TMPRSS15: variants seen among roughly 807,000 people sequenced by gnomAD.
The protein encoded by TMPRSS15 is enteropeptidase.
Under a neutral mutation model 125.3 loss-of-function variants are expected in TMPRSS15, and 128 were observed. That is an observed-to-expected ratio of 1.02 (90% CI 0.89 to 1.18). The LOEUF (loss-of-function observed/expected upper bound fraction) is 1.18. Among genes scored for constraint, TMPRSS15 ranks in the 50% most tolerant of loss-of-function variants. TMPRSS15 has a pLI of 0.00. For missense variants in TMPRSS15, 1,283 were observed against 1,212.7 expected (o/e 1.06, Z -0.86); for synonymous variants, 446 against 423.2 (o/e 1.05, Z -0.66).
chr21:18,347,171 A>G (rs772261324), intron 10 of TMPRSS15, among the ~76,000 whole-genome samples: 25 of 142,724 alleles, frequency 1.8e-4, no homozygotes, highest in Non-Finnish European at 2.8e-4. Context: ...AAAAGTAACC[A>G]CTTTTTCTTT....
intron 15 of TMPRSS15, 130 bp downstream of exon 15, chr21:18,329,039 T>C: frequency 9.8e-7 from 1 of 1,017,186 alleles, no homozygotes; most frequent in Non-Finnish European, 1.5e-6. Flanking sequence ...CATAAACTCA[T>C]GTCACTTTAC....
chr21:18,382,883 A>C (rs968884698), intron 4 of TMPRSS15, among the ~76,000 whole-genome samples: 1 of 152,148 alleles, frequency 6.6e-6, no homozygotes, highest in East Asian at 1.9e-4. Context: ...CTAAGCATTT[A>C]CAATCGTATT....
chr21:18,484,623 G>C (rs143064018), intron 1 of TMPRSS15, among the ~76,000 whole-genome samples: 2,078 of 151,648 alleles, frequency 0.014, 52 homozygotes, highest in African/African-American at 0.048. Context: ...GTAGTGATCA[G>C]GACATTATGT....
intron 6 of TMPRSS15, among the ~76,000 whole-genome samples, chr21:18,370,235 T>C (rs2075779195): frequency 6.6e-6 from 1 of 152,128 alleles, no homozygotes; most frequent in African/African-American, 2.4e-5. Flanking sequence ...TAGGACAAAT[T>C]ATCACACTTA....
intron 22 of TMPRSS15, 120 bp from the exon 23 acceptor site, chr21:18,279,179 T>G: frequency 1.5e-6 from 1 of 651,938 alleles, no homozygotes; most frequent in South Asian, 1.7e-5. Flanking sequence ...TGTATTTTTT[T>G]TTTTAATCCT....
At chr21:18,333,337 A>T (rs2075362681) in intron 13 of TMPRSS15, among the ~76,000 whole-genome samples, 1 of 152,252 alleles carries the variant, frequency 6.6e-6, no homozygotes, top group Admixed American at 6.5e-5. Flanking sequence ...CAAGAAAGCA[A>T]GATAGTGCAC....
chr21:18,391,682 G>C (rs779812139), intron 3 of TMPRSS15, among the ~76,000 whole-genome samples: 1 of 152,192 alleles, frequency 6.6e-6, no homozygotes, highest in Admixed American at 6.5e-5. Context: ...CTGTGGTCTG[G>C]AGGACGGTGG....
At chr21:18,458,405 T>C (rs1228945182) in intron 1 of TMPRSS15, among the ~76,000 whole-genome samples, 1 of 152,202 alleles carries the variant, frequency 6.6e-6, no homozygotes, top group African/African-American at 2.4e-5. Context: ...ATGCACACTA[T>C]GCCAGAACTG....
At chr21:18,434,592 A>T (rs2076223860) in intron 1 of TMPRSS15, among the ~76,000 whole-genome samples, 1 of 152,092 alleles carries the variant, frequency 6.6e-6, no homozygotes, top group African/African-American at 2.4e-5. Flanking sequence ...CAGAACAATT[A>T]TTATAGTTTG....
At chr21:18,471,379 A>G (rs1978777368) in intron 1 of TMPRSS15, among the ~76,000 whole-genome samples, 1 of 152,046 alleles carries the variant, frequency 6.6e-6, no homozygotes, top group African/African-American at 2.4e-5. Context: ...AGTATATAGA[A>G]CTTTTTACAG....
intron 1 of TMPRSS15, 21 bp from the exon 2 acceptor site, chr21:18,398,350 A>G: frequency 6.2e-7 from 1 of 1,612,690 alleles, no homozygotes; most frequent in Non-Finnish European, 8.5e-7. Context: ...TAATAAGGAA[A>G]AAACACTAAG....
At chr21:18,286,144 A>G (rs1325408215) in intron 21 of TMPRSS15, among the ~76,000 whole-genome samples, 1 of 152,056 alleles carries the variant, frequency 6.6e-6, no homozygotes, top group Non-Finnish European at 1.5e-5. Flanking sequence ...TTCACCATGC[A>G]CTTGTGATTT....
intron 1 of TMPRSS15, among the ~76,000 whole-genome samples, chr21:18,421,984 CTTT>C (rs569146471): frequency 5.2e-5 from 7 of 135,150 alleles, no homozygotes; most frequent in Non-Finnish European, 1.1e-4. Flanking sequence ...AAGTATTACT[CTTT>C]TTTTTTTTTT....
intron 23 of TMPRSS15, among the ~76,000 whole-genome samples, chr21:18,277,521 A>G (rs1457639956): frequency 2.0e-5 from 3 of 152,224 alleles, no homozygotes; most frequent in Admixed American, 2.0e-4. Flanking sequence ...GGAGAAATAT[A>G]TGAATATACA....
intron 10 of TMPRSS15, 23 bp from the exon 11 acceptor site, chr21:18,344,083 T>G (rs1373255062): frequency 1.3e-6 from 2 of 1,576,982 alleles, no homozygotes; most frequent in Admixed American, 3.3e-5. Flanking sequence ...CAAAAAAAAT[T>G]TATTTCACTT....
At chr21:18,475,080 C>T (rs547598620) in intron 1 of TMPRSS15, among the ~76,000 whole-genome samples, 73 of 152,140 alleles carry the variant, frequency 4.8e-4, no homozygotes, top group Non-Finnish European at 9.4e-4. Flanking sequence ...ACAGCTGGGA[C>T]CTAAGCCCAT....
intron 13 of TMPRSS15, among the ~76,000 whole-genome samples, chr21:18,334,930 G>A (rs184574781): frequency 2.0e-5 from 3 of 152,312 alleles, no homozygotes; most frequent in Non-Finnish European, 2.9e-5. Context: ...GTCAAGGATG[G>A]CTAAACCTAG....
chr21:18,345,534 G>A (rs1470222773), intron 10 of TMPRSS15, among the ~76,000 whole-genome samples: 2 of 150,736 alleles, frequency 1.3e-5, no homozygotes, highest in Admixed American at 6.6e-5. Flanking sequence ...GAGGTCAGGA[G>A]ATCCAGACCA....
At chr21:18,279,172 A>T in intron 22 of TMPRSS15, 113 bp from the exon 23 acceptor site, 1 of 555,422 alleles carries the variant, frequency 1.8e-6, no homozygotes, top group Non-Finnish European at 3.2e-6. Context: ...AAAAACATGT[A>T]TTTTTTTTTT....
Sources: gnomAD v4.1 joint callset for allele counts (sites outside exome capture counted in the v4.1 genomes callset) on GRCh38, gnomAD v4.1.1 for gene constraint, MANE v1.5 for transcripts, NCBI Gene and HGNC (gene_info 2026-07-23, HGNC 2026-07-21) for gene names.